ADAMTSL1: variants seen among roughly 807,000 people sequenced by gnomAD.
ADAMTSL1 encodes ADAMTS-like protein 1.
Under a neutral mutation model 201.8 loss-of-function variants are expected in ADAMTSL1, and 126 were observed. That is an observed-to-expected ratio of 0.62 (90% CI 0.54 to 0.72). The LOEUF is 0.72. ADAMTSL1 is among the 30% of genes least tolerant of loss of function. The pLI, the probability that ADAMTSL1 is intolerant of heterozygous loss-of-function variation, is 0.00. For missense variants in ADAMTSL1, 2,679 were observed against 2,277.8 expected, an observed-to-expected ratio of 1.18 and a Z score of -3.59; for synonymous variants, 1,121 against 903.4, an observed-to-expected ratio of 1.24 and a Z score of -4.32.
At chr9:18,521,944 T>G (rs144432405) in intron 2 of ADAMTSL1, among the ~76,000 whole-genome samples, 5 of 152,324 alleles carry the variant, frequency 3.3e-5, no homozygotes, top group African/African-American at 4.8e-5. Context: ...CCATCTCTTA[T>G]GCACAGACTC....
rs531916713 is a variant in ADAMTSL1, at chr9:18,689,788, C to G, written c.1574+4988C>G. On this transcript the variant is annotated intron_variant, in intron 13 of 28. Transcript: ENST00000380548. ...CCCTTGTTAAATAGCTGGCATTCGC[C>G]AGGTGGAAAGCCTTAATGATGCCAT... Among the ~76,000 whole-genome samples, 5 of 152,270 alleles carry G rather than the reference C, an allele frequency of 3.3e-5. No homozygotes were observed. In the East Asian group the frequency reaches 7.7e-4, roughly 24 times the overall value.
At chr9:18,219,438 G>A (rs1357582064) in intron 2 of ADAMTSL1, among the ~76,000 whole-genome samples, 1 of 151,514 alleles carries the variant, frequency 6.6e-6, no homozygotes, top group Admixed American at 6.6e-5. Context: ...GCACAACCTC[G>A]GCTCACTGCA....
intron 15 of ADAMTSL1, 96 bp from the exon 16 acceptor site, chr9:18,753,202 T>C: frequency 1.6e-6 from 2 of 1,246,044 alleles, no homozygotes; most frequent in East Asian, 2.5e-5. Context: ...CTTCCCACTT[T>C]CCCAGTTAGG....
chr9:18,614,622 A>G (rs982381790), intron 4 of ADAMTSL1, among the ~76,000 whole-genome samples: 2 of 152,056 alleles, frequency 1.3e-5, no homozygotes, highest in African/African-American at 4.8e-5. Context: ...ACCTTTAGTT[A>G]TACTGATCTT....
intron 15 of ADAMTSL1, among the ~76,000 whole-genome samples, chr9:18,729,185 G>T (rs902968749): frequency 1.3e-5 from 2 of 152,146 alleles, no homozygotes; most frequent in Admixed American, 1.3e-4. Context: ...CCCAAGGAAG[G>T]GTGTCAGGGC....
intron 2 of ADAMTSL1, among the ~76,000 whole-genome samples, chr9:18,526,151 G>T (rs1405284162): frequency 6.6e-6 from 1 of 152,194 alleles, no homozygotes; most frequent in African/African-American, 2.4e-5. Context: ...GTATATTTAG[G>T]ATAGTTAGCT....
At chr9:18,546,555 A>G (rs112282438) in intron 3 of ADAMTSL1, among the ~76,000 whole-genome samples, 55 of 152,182 alleles carry the variant, frequency 3.6e-4, no homozygotes, top group Admixed American at 2.0e-4. Context: ...TACCAAAAAA[A>G]CTTATTCCTT....
chr9:18,860,506 C>G (rs1827142798), intron 23 of ADAMTSL1, among the ~76,000 whole-genome samples: 1 of 130,192 alleles, frequency 7.7e-6, no homozygotes, highest in South Asian at 2.4e-4. Flanking sequence ...CTATCTGGCC[C>G]TTAAAAAAAA....
chr9:18,635,805 A>T (rs1319139091), intron 5 of ADAMTSL1, 138 bp from the exon 6 acceptor site: 2 of 637,762 alleles, frequency 3.1e-6, no homozygotes, highest in Non-Finnish European at 5.3e-6. Context: ...TTGATTTCTA[A>T]ATATTGGCCT....
intron 2 of ADAMTSL1, among the ~76,000 whole-genome samples, chr9:18,315,444 G>A (rs540328907): frequency 2.0e-5 from 3 of 152,160 alleles, no homozygotes; most frequent in South Asian, 4.2e-4. Flanking sequence ...GTGAGGAGGG[G>A]GGTGGTTCGG....
chr9:18,193,301 G>GA (rs1421728167), intron 2 of ADAMTSL1, among the ~76,000 whole-genome samples: 1 of 152,112 alleles, frequency 6.6e-6, no homozygotes, highest in Non-Finnish European at 1.5e-5. Context: ...AGTTGACTAG[G>GA]AATGGGGAAG....
chr9:18,435,131 T>G (rs1819669523), intron 2 of ADAMTSL1, among the ~76,000 whole-genome samples: 1 of 152,252 alleles, frequency 6.6e-6, no homozygotes. Flanking sequence ...AGTCTAGTAA[T>G]TCTTTTCAAG....
At chr9:18,287,422 T>G (rs1033551517) in intron 2 of ADAMTSL1, among the ~76,000 whole-genome samples, 3 of 151,942 alleles carry the variant, frequency 2.0e-5, no homozygotes, top group Admixed American at 2.0e-4. Flanking sequence ...TTTATATATC[T>G]GTAATATTTC....
At chr9:17,996,920 A>G (rs964102748) in intron 1 of ADAMTSL1, among the ~76,000 whole-genome samples, 1 of 152,170 alleles carries the variant, frequency 6.6e-6, no homozygotes, top group African/African-American at 2.4e-5. Flanking sequence ...TTTACAAACA[A>G]TATACAAGTA....
At chr9:17,946,331 G>T (rs190568795) in intron 1 of ADAMTSL1, among the ~76,000 whole-genome samples, 8 of 151,816 alleles carry the variant, frequency 5.3e-5, no homozygotes, top group Non-Finnish European at 1.0e-4. Context: ...AACATATTTC[G>T]TCAATTGGTA....
chr9:18,837,671 A>G (rs967191279), intron 23 of ADAMTSL1, among the ~76,000 whole-genome samples: 1 of 152,240 alleles, frequency 6.6e-6, no homozygotes, highest in South Asian at 2.1e-4. Flanking sequence ...ACGTGTTTTT[A>G]TAAGTACAGT....
intron 1 of ADAMTSL1, among the ~76,000 whole-genome samples, chr9:18,051,660 A>G (rs2131668558): frequency 6.6e-6 from 1 of 151,984 alleles, no homozygotes; most frequent in South Asian, 2.1e-4. Flanking sequence ...CTATCCAGTT[A>G]TTATCAGTCT....
At chr9:18,433,160 C>T (rs561520722) in intron 2 of ADAMTSL1, among the ~76,000 whole-genome samples, 91 of 152,038 alleles carry the variant, frequency 6.0e-4, no homozygotes, top group African/African-American at 2.1e-3. Flanking sequence ...AAACCCTTCC[C>T]GTGCTGACTA....
At chr9:18,529,949 A>C (rs1395053399) in intron 2 of ADAMTSL1, among the ~76,000 whole-genome samples, 1 of 152,160 alleles carries the variant, frequency 6.6e-6, no homozygotes, top group African/African-American at 2.4e-5. Flanking sequence ...CTAAATAATA[A>C]GTATTTAAAT....
Sources: allele counts gnomAD v4.1 joint callset (sites outside exome capture counted in the v4.1 genomes callset), GRCh38; gene constraint gnomAD v4.1.1; transcripts MANE v1.5; gene names NCBI Gene and HGNC (gene_info 2026-07-23, HGNC 2026-07-21).